Variants in SPAG16 observed in about 807,000 individuals in gnomAD.
The protein encoded by SPAG16 is sperm-associated antigen 16 protein.
In SPAG16, 86 loss-of-function variants were observed where a neutral mutation model predicts 80.4. The observed-to-expected ratio is 1.07, with a 90% CI of 0.90 to 1.28. The LOEUF (loss-of-function observed/expected upper bound fraction) is 1.28. Ranked by LOEUF, SPAG16 falls within the 50% of genes most tolerant of loss-of-function variation. The pLI is 0.00. For missense variants in SPAG16, 870 were observed against 765.3 expected, an observed-to-expected ratio of 1.14 and a Z score of -1.61; for synonymous variants, 294 against 265.9, an observed-to-expected ratio of 1.11 and a Z score of -1.03.
At chr2:214,393,287 G>A (rs1701190840) in intron 15 of SPAG16, among the ~76,000 whole-genome samples, 1 of 152,054 alleles carries the variant, frequency 6.6e-6, no homozygotes, top group African/African-American at 2.4e-5. Context: ...CTGCTCTTTG[G>A]CTATCAGCCC....
rs2064175117 is a variant in SPAG16, at chr2:213,677,931, G to A, written c.1071-184554G>A. On this transcript the variant is annotated intron_variant, in intron 10 of 15. Coordinates refer to ENST00000331683, the MANE Select transcript of SPAG16 (RefSeq NM_024532.5). ...ATAACAAACTGTCTCTCAGACCACA[G>A]TGCAATCAAACTAGAACTCAGGATT... 5.3e-5 allele frequency among the ~76,000 whole-genome samples: 8 copies of A among 152,078 alleles called. 1 individual carries two copies. In the South Asian group the frequency reaches 1.7e-3, roughly 32 times the overall value.
At chr2:213,676,594 G>T (rs555912655) in intron 10 of SPAG16, among the ~76,000 whole-genome samples, 182 of 152,126 alleles carry the variant, frequency 1.2e-3, no homozygotes, top group East Asian at 4.4e-3. Flanking sequence ...TAGCATGAAG[G>T]GTTGTTGAAT....
intron 10 of SPAG16, among the ~76,000 whole-genome samples, chr2:213,558,128 C>T (rs1370639589): frequency 6.6e-6 from 1 of 152,052 alleles, no homozygotes; most frequent in Non-Finnish European, 1.5e-5. Context: ...TCCTTATAAA[C>T]ATATTAGTGC....
chr2:214,108,322 T>G, intron 14 of SPAG16, 61 bp downstream of exon 14: 2 of 1,357,194 alleles, frequency 1.5e-6, no homozygotes, highest in Non-Finnish European at 2.1e-6. Context: ...TTCATTTTTA[T>G]AAAACAAATT....
chr2:213,448,703 T>A (rs2071500878), intron 9 of SPAG16, among the ~76,000 whole-genome samples: 1 of 152,214 alleles, frequency 6.6e-6, no homozygotes, highest in Non-Finnish European at 1.5e-5. Flanking sequence ...AATATGGACA[T>A]TTATCAGTTC....
At chr2:213,880,833 A>G (rs562319780) in intron 11 of SPAG16, among the ~76,000 whole-genome samples, 3 of 152,132 alleles carry the variant, frequency 2.0e-5, no homozygotes, top group South Asian at 4.2e-4. Context: ...GCATTAGTCT[A>G]TGTCTCTTTT....
intron 13 of SPAG16, among the ~76,000 whole-genome samples, chr2:214,077,807 A>G (rs2125249852): frequency 6.6e-6 from 1 of 152,298 alleles, no homozygotes; most frequent in South Asian, 2.1e-4. Flanking sequence ...AGGATTAGTC[A>G]GAGTCATAGT....
intron 10 of SPAG16, among the ~76,000 whole-genome samples, chr2:213,733,959 G>A (rs2067176486): frequency 6.6e-6 from 1 of 152,020 alleles, no homozygotes; most frequent in Non-Finnish European, 1.5e-5. Context: ...TTGGAAATGA[G>A]TTTCTAGAGA....
chr2:213,617,285 C>G (rs984691593), intron 10 of SPAG16, among the ~76,000 whole-genome samples: 1 of 152,082 alleles, frequency 6.6e-6, no homozygotes, highest in Non-Finnish European at 1.5e-5. Context: ...TGATGATGGG[C>G]CTGGCACCAT....
At chr2:213,623,954 T>A (rs886204894) in intron 10 of SPAG16, among the ~76,000 whole-genome samples, 1 of 152,058 alleles carries the variant, frequency 6.6e-6, no homozygotes, top group African/African-American at 2.4e-5. Context: ...TATTTAACAA[T>A]GTAATAAATT....
intron 10 of SPAG16, among the ~76,000 whole-genome samples, chr2:213,560,688 T>C (rs1457956489): frequency 6.6e-6 from 1 of 152,220 alleles, no homozygotes; most frequent in Non-Finnish European, 1.5e-5. Context: ...AATCCATTGT[T>C]TCTCCACAAT....
At chr2:213,586,986 G>T (rs987774045) in intron 10 of SPAG16, among the ~76,000 whole-genome samples, 20 of 152,160 alleles carry the variant, frequency 1.3e-4, no homozygotes, top group African/African-American at 4.6e-4. Flanking sequence ...GAGCCTCCTT[G>T]CCATGCTATT....
At chr2:214,252,696 T>A (rs781066774) in intron 15 of SPAG16, among the ~76,000 whole-genome samples, 2 of 152,166 alleles carry the variant, frequency 1.3e-5, no homozygotes, top group Non-Finnish European at 2.9e-5. Context: ...AGTCTATTAT[T>A]GATGGACATT....
At position 213,547,973 on chromosome 2, in the gene SPAG16, C is replaced by T. The variant is rs181893880; in HGVS notation, c.1070+57883C>T. Reference sequence around the variant, plus strand: ...TACCAAGATTCATTTAATCTGTTTCCAATTGGTACATATCAGCCTTTTGTC... The same window carrying T: ...TACCAAGATTCATTTAATCTGTTTCTAATTGGTACATATCAGCCTTTTGTC... On this transcript the variant is annotated intron_variant, in intron 10 of 15. Coordinates refer to ENST00000331683, the MANE Select transcript of SPAG16 (RefSeq NM_024532.5). Among the ~76,000 whole-genome samples, 3 of 152,166 alleles carry T rather than the reference C, an allele frequency of 2.0e-5. No homozygotes were observed. The East Asian group carries it at 5.8e-4, about 29-fold the overall frequency.
chr2:214,042,184 C>T (rs1008282413), intron 13 of SPAG16, among the ~76,000 whole-genome samples: 1 of 150,742 alleles, frequency 6.6e-6, no homozygotes, highest in Admixed American at 6.6e-5. Context: ...CTCCTGGGTT[C>T]GTGGGTCCAA....
At chr2:214,252,739 A>G (rs2125852706) in intron 15 of SPAG16, among the ~76,000 whole-genome samples, 1 of 152,264 alleles carries the variant, frequency 6.6e-6, no homozygotes, top group Non-Finnish European at 1.5e-5. Flanking sequence ...TATTGTGAAT[A>G]GTGCCGCAAT....
intron 7 of SPAG16, among the ~76,000 whole-genome samples, chr2:213,350,999 GGGTGTGGTGGCACA>G (rs2065297444): frequency 6.6e-6 from 1 of 151,574 alleles, no homozygotes; most frequent in South Asian, 2.1e-4. Flanking sequence ...ACAAATAGCC[GGGTGTGGTGGCACA>G]GGCCTGTAAT....
Position 213,737,493 on chromosome 2 carries a change from C to CT in SPAG16, c.1071-124980dup, listed in dbSNP as rs3076768. On this transcript the variant is annotated intron_variant, in intron 10 of 15. Coordinates refer to ENST00000331683, the MANE Select transcript of SPAG16 (RefSeq NM_024532.5). ...TCTCCTTACTTTTTCTTTTTCTTTTCTTTTTTTTTTTTGAGACGGAGTCTC... is the reference window on the plus strand; with the variant it reads ...TCTCCTTACTTTTTCTTTTTCTTTTCTTTTTTTTTTTTTGAGACGGAGTCTC... 1.1e-3 allele frequency among the ~76,000 whole-genome samples: 161 copies of CT among 142,172 alleles called. 2 individuals are homozygous for CT. The highest frequency in any genetic ancestry group is 2.2e-3 in the African/African-American group (84 of 38,692). The allele number at this position is 142,172 out of a possible 152,430, so 93.3% of individuals were successfully genotyped here.
At chr2:213,492,905 A>C (rs542032423) in intron 10 of SPAG16, among the ~76,000 whole-genome samples, 1 of 152,236 alleles carries the variant, frequency 6.6e-6, no homozygotes, top group South Asian at 2.1e-4. Flanking sequence ...GTATACACAC[A>C]CTATGTCTGA....
Sources: gnomAD v4.1 joint callset for allele counts (sites outside exome capture counted in the v4.1 genomes callset) on GRCh38, gnomAD v4.1.1 for gene constraint, MANE v1.5 for transcripts, NCBI Gene and HGNC (gene_info 2026-07-23, HGNC 2026-07-21) for gene names.